TMC7: variants seen among roughly 807,000 people sequenced by gnomAD.
The protein encoded by TMC7 is transmembrane channel-like protein 7.
Under a neutral mutation model 82.9 loss-of-function variants are expected in TMC7, and 54 were observed. The observed-to-expected ratio is 0.65, with a 90% CI of 0.52 to 0.82. TMC7 has a LOEUF of 0.82. Ranked by LOEUF, TMC7 falls within the 40% of genes least tolerant of loss-of-function variation. TMC7 has a pLI of 0.00. For synonymous variants in TMC7, 350 were observed against 337.9 expected, an observed-to-expected ratio of 1.04 and a Z score of -0.39; for missense variants, 820 against 901.2, an observed-to-expected ratio of 0.91 and a Z score of 1.15.
At chr16:18,989,863 C>T (rs1203400731) in intron 1 of TMC7, among the ~76,000 whole-genome samples, 1 of 151,720 alleles carries the variant, frequency 6.6e-6, no homozygotes, top group East Asian at 1.9e-4. Flanking sequence ...AGCTCTGTCG[C>T]CCAGCCTGAA....
Position 19,021,613 on chromosome 16 carries a change from G to C in TMC7, c.461-16G>C. ...CAATATCCCTGGTCAGTGATGTCCG[G>C]GTTTGTTTTTTCCAGGGAAATTTGG... On this transcript the variant is annotated splice_polypyrimidine_tract_variant and intron_variant, in intron 3 of 15. Coordinates refer to ENST00000304381, the MANE Select transcript of TMC7 (RefSeq NM_024847.4). 6.2e-7 allele frequency: 1 copy of C among 1,613,752 alleles called. No individual in the cohort carries two copies. The highest frequency in any genetic ancestry group is 1.1e-5 in the South Asian group (1 of 91,028).
intron 12 of TMC7, among the ~76,000 whole-genome samples, chr16:19,049,174 C>T (rs527435195): frequency 7.1e-4 from 108 of 152,208 alleles, no homozygotes; most frequent in Non-Finnish European, 1.4e-3. Context: ...CAGGCATGCG[C>T]CACCGTGCCA....
intron 3 of TMC7, among the ~76,000 whole-genome samples, chr16:19,020,657 C>G (rs1959922046): frequency 6.6e-6 from 1 of 151,966 alleles, no homozygotes; most frequent in African/African-American, 2.4e-5. Context: ...CACCTGAGGT[C>G]AGGAGTTCGA....
At chr16:19,008,757 T>C (rs536753767) in intron 1 of TMC7, among the ~76,000 whole-genome samples, 1 of 152,326 alleles carries the variant, frequency 6.6e-6, no homozygotes, top group Admixed American at 6.5e-5. Flanking sequence ...GTATACTTTA[T>C]GCTTTTTAGA....
At chr16:19,006,837 GA>G (rs1249745870) in intron 1 of TMC7, among the ~76,000 whole-genome samples, 1 of 152,084 alleles carries the variant, frequency 6.6e-6, no homozygotes, top group Non-Finnish European at 1.5e-5. Context: ...GCTTTTTTGA[GA>G]CAAAGTCTTG....
Position 18,983,983 on chromosome 16 carries a change from G to C in TMC7, c.-81G>C. Reference sequence around the variant, plus strand: ...CCGGAACCTGGAATCCCGGCTCCGCGAGGGAAGGCCGGGGAGGCGGCGGCG... The same window carrying C: ...CCGGAACCTGGAATCCCGGCTCCGCCAGGGAAGGCCGGGGAGGCGGCGGCG... On this transcript the variant is annotated 5_prime_UTR_variant, in exon 1 of 16. Coordinates refer to ENST00000304381, the MANE Select transcript of TMC7 (RefSeq NM_024847.4). The C allele has an allele frequency of 1.5e-6, 2 of 1,315,398 alleles. No individual in the cohort carries two copies. Among genetic ancestry groups the C allele is most frequent in the East Asian group, 3.1e-5 (1 of 32,012 alleles). The allele number at this position is 1,315,398 out of a possible 1,614,324, so 81.5% of individuals were successfully genotyped here. A position where few individuals can be genotyped will look rare whatever the true frequency, so the allele number is the denominator to read the frequency against.
chr16:18,986,470 C>T (rs948188705), intron 1 of TMC7, among the ~76,000 whole-genome samples: 3 of 151,720 alleles, frequency 2.0e-5, no homozygotes, highest in African/African-American at 4.8e-5. Flanking sequence ...GCAGGAGAAT[C>T]GCTTGAACCT....
chr16:19,012,146 A>G (rs1008938754), intron 2 of TMC7: 3 of 115,368 alleles, frequency 2.6e-5, no homozygotes, highest in African/African-American at 8.5e-5. Flanking sequence ...AAAAAAAAAA[A>G]AAGTATTTTA....
In TMC7 at chr16:19,052,832, C is replaced by A. The variant is rs566004393; in HGVS notation, c.1871+1016C>A. 2.0e-5 allele frequency among the ~76,000 whole-genome samples: 3 copies of A among 152,140 alleles called. No homozygotes were observed. The South Asian group carries it at 6.2e-4, about 32-fold the overall frequency. Reference sequence around the variant, plus strand: ...GGTTCAAGCAATTCTATGGCCTCAGCCTCCCAAGTAGCTGGGATTACAGGG... The same window carrying A: ...GGTTCAAGCAATTCTATGGCCTCAGACTCCCAAGTAGCTGGGATTACAGGG... On this transcript the variant is annotated intron_variant, in intron 13 of 15. Transcript: ENST00000304381.
intron 12 of TMC7, among the ~76,000 whole-genome samples, chr16:19,050,053 T>C (rs1366061558): frequency 4.6e-5 from 7 of 152,016 alleles, no homozygotes; most frequent in Non-Finnish European, 1.0e-4. Context: ...CATGTTTAAA[T>C]CCCTATAAGG....
chr16:19,012,180 A>G (rs999773502), intron 2 of TMC7: 13 of 152,070 alleles, frequency 8.5e-5, no homozygotes, highest in African/African-American at 2.9e-4. Context: ...CAGCACATAT[A>G]CTAAAATTGG....
intron 9 of TMC7, 123 bp downstream of exon 9, chr16:19,040,569 C>A: frequency 1.2e-6 from 1 of 834,754 alleles, no homozygotes; most frequent in Non-Finnish European, 1.9e-6. Flanking sequence ...GAGTCCTCCT[C>A]AACCTTCAGA....
chr16:19,045,472 A>G (rs202097680), intron 11 of TMC7, 34 bp downstream of exon 11: 350 of 1,421,346 alleles, frequency 2.5e-4, no homozygotes, highest in Middle Eastern at 1.4e-3. Context: ...TATCCCCCCC[A>G]CCACACACAT....
intron 7 of TMC7, among the ~76,000 whole-genome samples, chr16:19,037,178 A>G (rs1266061095): frequency 6.6e-6 from 1 of 151,868 alleles, no homozygotes; most frequent in Non-Finnish European, 1.5e-5. Context: ...GGTCAGGGTC[A>G]GGAGATTGAG....
intron 13 of TMC7, among the ~76,000 whole-genome samples, chr16:19,052,047 C>A (rs534203215): frequency 1.3e-5 from 2 of 152,104 alleles, no homozygotes; most frequent in East Asian, 3.9e-4. Context: ...CAGGTTCAAA[C>A]AGCCTCCTGA....
At chr16:19,004,323 C>T (rs1461835582) in intron 1 of TMC7, among the ~76,000 whole-genome samples, 1 of 152,008 alleles carries the variant, frequency 6.6e-6, no homozygotes, top group Non-Finnish European at 1.5e-5. Flanking sequence ...GGATAATTAC[C>T]TAGTTGATTT....
chr16:19,021,848 C>A, intron 4 of TMC7, 52 bp downstream of exon 4: 1 of 1,575,222 alleles, frequency 6.3e-7, no homozygotes, highest in Non-Finnish European at 8.7e-7. Context: ...TCACCATGTA[C>A]CTTGCTACAA....
At chr16:19,050,190 T>C (rs900997897) in intron 12 of TMC7, among the ~76,000 whole-genome samples, 1 of 151,274 alleles carries the variant, frequency 6.6e-6, no homozygotes, top group African/African-American at 2.4e-5. Flanking sequence ...GCTAACACGG[T>C]GAAACCCCAT....
At chr16:19,002,772 A>G (rs936579979) in intron 1 of TMC7, among the ~76,000 whole-genome samples, 1 of 152,218 alleles carries the variant, frequency 6.6e-6, no homozygotes, top group Non-Finnish European at 1.5e-5. Context: ...AATATCTGAA[A>G]TATGCTACCT....
Sources: gnomAD v4.1 joint callset for allele counts (sites outside exome capture counted in the v4.1 genomes callset) on GRCh38, gnomAD v4.1.1 for gene constraint, MANE v1.5 for transcripts, NCBI Gene and HGNC (gene_info 2026-07-23, HGNC 2026-07-21) for gene names.